Variants in WIPF2 observed in about 807,000 individuals in gnomAD.
WIPF2 encodes WAS/WASL-interacting protein family member 2.
A neutral mutation model predicts 38.8 loss-of-function variants in WIPF2; 23 were observed. The observed-to-expected ratio is 0.59, with a 90% CI of 0.43 to 0.84. WIPF2 has a LOEUF of 0.84. Among genes scored for constraint, WIPF2 ranks in the 40% least tolerant of loss-of-function variants. The pLI, the probability that WIPF2 is intolerant of heterozygous loss-of-function variation, is 0.00. For missense variants in WIPF2, 574 were observed against 580.5 expected (o/e 0.99, Z 0.11); for synonymous variants, 210 against 223.2 (o/e 0.94, Z 0.53).
rs1411857528 is a variant in WIPF2, at chr17:40,280,950, A to G, written c.*2725A>G. 2 of 152,626 alleles carry G rather than the reference A, an allele frequency of 1.3e-5. No individual in the cohort carries two copies. The highest frequency in any genetic ancestry group is 2.4e-5 in the African/African-American group (1 of 41,442). The allele number at this position is 152,626 out of a possible 1,614,324, so 9.5% of individuals were successfully genotyped here. A position where few individuals can be genotyped will look rare whatever the true frequency, so the allele number is the denominator to read the frequency against. On this transcript the variant is annotated 3_prime_UTR_variant, in exon 8 of 8. Coordinates refer to ENST00000323571, the MANE Select transcript of WIPF2 (RefSeq NM_133264.5). The stretch of plus-strand genomic sequence containing the variant: ...TATTTGGTCCCACTGTTAATAATAG[A>G]TTTATTACTATGTATATTTACTATT...
chr17:40,273,932 CCCT>C lies in WIPF2; in HGVS notation c.1122_1124del (p.Pro377del), dbSNP rs1240987152. The C allele has an allele frequency of 6.3e-7, 1 of 1,591,776 alleles. No individual in the cohort carries two copies. Among genetic ancestry groups the C allele is most frequent in the Non-Finnish European group, 8.6e-7 (1 of 1,168,642 alleles). On this transcript the variant is annotated inframe_deletion, in exon 6 of 8. Transcript: ENST00000323571. ...CCTCAAGGACGCCAGCTGGGCCACC[CCCT>C]CCTCCTCCACCGCCCCTGAGGAATG...
At chr17:40,226,748 A>G (rs2030508438) in intron 1 of WIPF2, among the ~76,000 whole-genome samples, 1 of 151,976 alleles carries the variant, frequency 6.6e-6, no homozygotes, top group Admixed American at 6.6e-5. Context: ...TAAATTTATT[A>G]TTATTATTTT....
intron 1 of WIPF2, among the ~76,000 whole-genome samples, chr17:40,242,464 A>G (rs1173032497): frequency 6.6e-6 from 1 of 151,986 alleles, no homozygotes; most frequent in Non-Finnish European, 1.5e-5. Context: ...CAGTGGCACA[A>G]TCTCAGCTCG....
intron 4 of WIPF2, among the ~76,000 whole-genome samples, chr17:40,264,152 G>A (rs2032000309): frequency 1.3e-5 from 2 of 151,412 alleles, no homozygotes; most frequent in South Asian, 4.2e-4. Context: ...GTCCAACGTG[G>A]TGAAACCCCA....
At chr17:40,253,645 C>T (rs1205465146) in intron 1 of WIPF2, among the ~76,000 whole-genome samples, 1 of 152,162 alleles carries the variant, frequency 6.6e-6, no homozygotes, top group Non-Finnish European at 1.5e-5. Context: ...AGGTATTTCC[C>T]TTGGAGGGAA....
chr17:40,267,125 C>T (rs145199047), intron 5 of WIPF2, among the ~76,000 whole-genome samples: 3 of 151,862 alleles, frequency 2.0e-5, no homozygotes, highest in Admixed American at 6.6e-5. Context: ...GGCAACCACG[C>T]GAAGGGCCCA....
intron 5 of WIPF2, among the ~76,000 whole-genome samples, chr17:40,265,828 C>T (rs1334374104): frequency 6.6e-6 from 1 of 152,140 alleles, no homozygotes; most frequent in Non-Finnish European, 1.5e-5. Flanking sequence ...AGATCATTAA[C>T]TCCTATGTTG....
In WIPF2 at chr17:40,261,842, G is replaced by A. The variant is rs370941028; in HGVS notation, c.197-683G>A. On this transcript the variant is annotated intron_variant, in intron 3 of 7. Coordinates refer to ENST00000323571, the MANE Select transcript of WIPF2 (RefSeq NM_133264.5). ...GCTGGGACTACAGGCACCTGCCACC[G>A]CACCCGGCTAATTTTTTGTATTTTT... 1.8e-4 allele frequency among the ~76,000 whole-genome samples: 27 copies of A among 147,700 alleles called. No homozygotes were observed. The South Asian group carries it at 5.4e-3, about 30-fold the overall frequency.
chr17:40,252,915 G>A (rs1028407019), intron 1 of WIPF2, among the ~76,000 whole-genome samples: 6 of 150,784 alleles, frequency 4.0e-5, no homozygotes, highest in African/African-American at 1.5e-4. Flanking sequence ...AATCCCATGT[G>A]CCACCATGCC....
intron 1 of WIPF2, among the ~76,000 whole-genome samples, chr17:40,250,914 C>CTTTTTTTTT (rs1020649049): frequency 5.5e-5 from 5 of 90,342 alleles, no homozygotes; most frequent in African/African-American, 8.5e-5. Context: ...CTATTAGATT[C>CTTTTTTTTT]TTTTTTTTTT....
At chr17:40,262,990 A>G (rs1893308385) in intron 4 of WIPF2, among the ~76,000 whole-genome samples, 1 of 152,202 alleles carries the variant, frequency 6.6e-6, no homozygotes. Context: ...TATATGTGGG[A>G]TCTGAAACAG....
chr17:40,260,739 T>C, intron 3 of WIPF2, 72 bp downstream of exon 3: 1 of 1,603,426 alleles, frequency 6.2e-7, no homozygotes, highest in Non-Finnish European at 8.5e-7. Flanking sequence ...GCTGGGTTCT[T>C]ATTTTTATTG....
chr17:40,233,225 C>A (rs193124119), intron 1 of WIPF2, among the ~76,000 whole-genome samples: 8 of 152,178 alleles, frequency 5.3e-5, no homozygotes, highest in Middle Eastern at 3.4e-3. Flanking sequence ...GTACCAGATC[C>A]AACGTTGACC....
At position 40,239,697 on chromosome 17, in the gene WIPF2, T is replaced by C. The variant is rs374456139; in HGVS notation, c.-69-16694T>C. On this transcript the variant is annotated intron_variant, in intron 1 of 7. Transcript: ENST00000323571. Reference sequence around the variant, plus strand: ...ACTCTTTGGTTCAGCTTTTCTTTTTTTTTTTTTTTTTTTTTGAGACGGAGT... The same window carrying C: ...ACTCTTTGGTTCAGCTTTTCTTTTTCTTTTTTTTTTTTTTTGAGACGGAGT... Among the ~76,000 whole-genome samples the C allele has an allele frequency of 5.2e-3, 759 of 144,814 alleles. 9 individuals are homozygous for C. Among genetic ancestry groups the C allele is most frequent in the African/African-American group, 0.018 (721 of 39,176 alleles).
At chr17:40,232,115 C>A (rs1356571462) in intron 1 of WIPF2, among the ~76,000 whole-genome samples, 1 of 146,108 alleles carries the variant, frequency 6.8e-6, no homozygotes, top group Non-Finnish European at 1.5e-5. Flanking sequence ...TGGGCTCAAG[C>A]GATCTTCCCA....
Position 40,283,815 on chromosome 17 carries a change from A to G in WIPF2, c.*5590A>G, listed in dbSNP as rs903804449. On this transcript the variant is annotated 3_prime_UTR_variant, in exon 8 of 8. Transcript: ENST00000323571. Reference sequence around the variant, plus strand: ...GCTGGTTTTCTTGAACTTTGACTTTAGGTGTAAAAATTCAACCAGACATTC... The same window carrying G: ...GCTGGTTTTCTTGAACTTTGACTTTGGGTGTAAAAATTCAACCAGACATTC... The G allele has an allele frequency of 2.0e-5, 3 of 152,204 alleles. No homozygotes were observed. The highest frequency in any genetic ancestry group is 4.4e-5 in the Non-Finnish European group (3 of 68,044). 9.4% of individuals were successfully genotyped at this position (152,204 alleles called of 1,614,324 possible).
At chr17:40,242,549 G>A (rs1160411385) in intron 1 of WIPF2, among the ~76,000 whole-genome samples, 8 of 151,960 alleles carry the variant, frequency 5.3e-5, no homozygotes, top group Admixed American at 3.3e-4. Context: ...ACAGGCGCCC[G>A]CCGCCACGCC....
intron 1 of WIPF2, among the ~76,000 whole-genome samples, chr17:40,223,864 C>T (rs895445320): frequency 8.6e-5 from 13 of 152,024 alleles, no homozygotes; most frequent in African/African-American, 1.7e-4. Context: ...GGATTACAGG[C>T]GTGAGCCACC....
intron 1 of WIPF2, among the ~76,000 whole-genome samples, chr17:40,241,572 G>A (rs954603654): frequency 6.6e-6 from 1 of 152,210 alleles, no homozygotes; most frequent in Admixed American, 6.6e-5. Flanking sequence ...CTCTAAACCC[G>A]CTCCTGGGAT....
Sources: allele counts gnomAD v4.1 joint callset (sites outside exome capture counted in the v4.1 genomes callset), GRCh38; gene constraint gnomAD v4.1.1; transcripts MANE v1.5; gene names NCBI Gene and HGNC (gene_info 2026-07-23, HGNC 2026-07-21).